The following SENP6 variants were observed in gnomAD, a reference collection of about 807,000 sequenced individuals.
SENP6 encodes sentrin-specific protease 6.
Under a neutral mutation model 134.5 loss-of-function variants are expected in SENP6, and 41 were observed. The ratio of observed to expected loss-of-function variants is 0.30; its 90% CI spans 0.24 to 0.40. SENP6 has a LOEUF of 0.40. Among genes scored for constraint, SENP6 ranks in the 10% least tolerant of loss-of-function variants. The pLI, the probability that SENP6 is intolerant of heterozygous loss-of-function variation, is 1.00. For synonymous variants in SENP6, 395 were observed against 429.8 expected, an observed-to-expected ratio of 0.92 and a Z score of 1.00; for missense variants, 1,248 against 1,312.5, an observed-to-expected ratio of 0.95 and a Z score of 0.76.
chr6:75,652,136 C>T (rs888464010), intron 7 of SENP6, among the ~76,000 whole-genome samples: 2 of 151,978 alleles, frequency 1.3e-5, no homozygotes, highest in Non-Finnish European at 2.9e-5. Flanking sequence ...ACAATCGCGC[C>T]ACTGTCCTCC....
chr6:75,708,029 T>G lies in SENP6; in HGVS notation c.2717-1498T>G, dbSNP rs72654747. Among the ~76,000 whole-genome samples, 1,602 of 152,268 alleles carry G rather than the reference T, an allele frequency of 0.011. 59 individuals are homozygous for G. In the East Asian group the frequency reaches 0.14, roughly 13 times the overall value. On this transcript the variant is annotated intron_variant, in intron 19 of 23. Coordinates refer to ENST00000447266, the MANE Select transcript of SENP6 (RefSeq NM_015571.4). ...TTATCGGTTATTTTAAATAGTGTGC[T>G]TCTGAACACAAGAGTTAGATTTATG...
At chr6:75,646,258 T>A (rs778465124) in intron 6 of SENP6, among the ~76,000 whole-genome samples, 1 of 152,212 alleles carries the variant, frequency 6.6e-6, no homozygotes, top group Non-Finnish European at 1.5e-5. Context: ...ATTCTCATTT[T>A]CATAATGCAT....
At chr6:75,634,618 G>A (rs759485188) in intron 4 of SENP6, 89 bp from the exon 5 acceptor site, 2 of 654,516 alleles carry the variant, frequency 3.1e-6, no homozygotes, top group South Asian at 2.5e-5. Context: ...AGGTTTTTGT[G>A]TGTTTGTTCA....
intron 8 of SENP6, among the ~76,000 whole-genome samples, 168 bp downstream of exon 8, chr6:75,659,575 C>T (rs960793744): frequency 4.6e-5 from 7 of 152,136 alleles, no homozygotes; most frequent in Non-Finnish European, 5.9e-5. Flanking sequence ...TATGCTTGTT[C>T]AAAATATAGA....
chr6:75,688,763 A>C (rs1229661598), intron 16 of SENP6, among the ~76,000 whole-genome samples: 1 of 152,192 alleles, frequency 6.6e-6, no homozygotes, highest in African/African-American at 2.4e-5. Context: ...TCTACAAAAA[A>C]GAAAATTTTA....
chr6:75,605,231 C>T (rs1406289723), intron 1 of SENP6, among the ~76,000 whole-genome samples: 1 of 152,182 alleles, frequency 6.6e-6, no homozygotes, highest in African/African-American at 2.4e-5. Flanking sequence ...CCTTGAAAAA[C>T]TAAACTAGGT....
intron 16 of SENP6, among the ~76,000 whole-genome samples, chr6:75,691,699 A>G (rs1377235715): frequency 6.6e-6 from 1 of 151,812 alleles, no homozygotes; most frequent in Non-Finnish European, 1.5e-5. Flanking sequence ...TCCCTGAGGC[A>G]TTCTCCTGCC....
chr6:75,673,350 C>G (rs535076937), intron 11 of SENP6, among the ~76,000 whole-genome samples: 1 of 115,112 alleles, frequency 8.7e-6, no homozygotes, highest in South Asian at 2.8e-4. Context: ...GAGACCGAGT[C>G]TCACTGTTGT....
At chr6:75,690,670 A>G (rs1426990215) in intron 16 of SENP6, among the ~76,000 whole-genome samples, 1 of 150,902 alleles carries the variant, frequency 6.6e-6, no homozygotes, top group East Asian at 1.9e-4. Context: ...GATAAATTTT[A>G]TATGTTTGTT....
intron 1 of SENP6, among the ~76,000 whole-genome samples, chr6:75,613,313 C>A (rs189973841): frequency 3.0e-4 from 45 of 152,110 alleles, no homozygotes; most frequent in Admixed American, 1.4e-3. Context: ...TATTGCAACA[C>A]AGCAATACCT....
rs779351067 is a variant in SENP6 at position 75,663,468 on chromosome 6, T to A, written c.944T>A (p.Ile315Asn). The change falls in exon 9 of 24, where the codon ATC becomes AAC. Residue 315 changes from isoleucine (I) to asparagine (N), a missense_variant. By Grantham distance (149) the Ile-to-Asn change is moderately radical. This residue lies in a region of SENP6 where 733 missense variants were observed against 725.4 expected (regional missense o/e 1.01). Transcript: ENST00000447266. ...VILPGAKIPK[I>N]TNLKERKTSL... ...TTACCTGGGGCAAAAATACCCAAAA[T>A]CACAAACTTGAAAGAAAGGAAAACA... 1.2e-5 allele frequency: 20 copies of A among 1,612,762 alleles called. No homozygotes were observed. The highest frequency in any genetic ancestry group is 1.6e-5 in the Non-Finnish European group (19 of 1,179,702).
At chr6:75,645,745 T>C (rs1770385184) in intron 6 of SENP6, among the ~76,000 whole-genome samples, 1 of 152,044 alleles carries the variant, frequency 6.6e-6, no homozygotes, top group Non-Finnish European at 1.5e-5. Flanking sequence ...CTTGAAATGT[T>C]TATATTCTTG....
chr6:75,663,798 C>T (rs1297481241), intron 9 of SENP6, among the ~76,000 whole-genome samples: 1 of 122,548 alleles, frequency 8.2e-6, no homozygotes, highest in Non-Finnish European at 1.7e-5. Context: ...AGATTTCCTG[C>T]TGATAGTGGG....
intron 19 of SENP6, among the ~76,000 whole-genome samples, chr6:75,708,545 T>G (rs1775556437): frequency 6.6e-6 from 1 of 152,100 alleles, no homozygotes; most frequent in South Asian, 2.1e-4. Flanking sequence ...GAGTTCTGAT[T>G]GCATCACTGG....
intron 16 of SENP6, among the ~76,000 whole-genome samples, chr6:75,686,175 C>T (rs1274162554): frequency 6.0e-5 from 9 of 150,936 alleles, no homozygotes; most frequent in South Asian, 4.2e-4. Flanking sequence ...CTTTTGATCT[C>T]TGTTGGTTTA....
At position 75,640,649 on chromosome 6, in the gene SENP6, G is replaced by A. The variant is rs1180108089; in HGVS notation, c.459-35G>A. 2.7e-6 allele frequency: 4 copies of A among 1,472,280 alleles called. No homozygotes were observed. In the African/African-American group the frequency reaches 4.2e-5, roughly 16 times the overall value. 91.2% of individuals were successfully genotyped at this position (1,472,280 alleles called of 1,614,324 possible). On this transcript the variant is annotated intron_variant, in intron 5 of 23. Coordinates refer to ENST00000447266, the MANE Select transcript of SENP6 (RefSeq NM_015571.4). ...AGTGATATATCAACAATGAGGTCTT[G>A]CCTCTTATATTTTTTTTCTTTTTCA...
Position 75,713,616 on chromosome 6 carries a change from A to T in SENP6, c.2978+35A>T, listed in dbSNP as rs150268834. 6.3e-6 allele frequency: 10 copies of T among 1,598,728 alleles called. No homozygotes were observed. The African/African-American group carries it at 1.2e-4, about 19-fold the overall frequency. Reference sequence around the variant, plus strand: ...CACTTTATTTCGTATTCTGATGGGGATGAAGAACTATGTATATTTATATAT... The same window carrying T: ...CACTTTATTTCGTATTCTGATGGGGTTGAAGAACTATGTATATTTATATAT... On this transcript the variant is annotated intron_variant, in intron 22 of 23. Transcript: ENST00000447266.
chr6:75,603,256 G>A (rs1766775349), intron 1 of SENP6, among the ~76,000 whole-genome samples: 2 of 152,302 alleles, frequency 1.3e-5, no homozygotes, highest in East Asian at 3.9e-4. Flanking sequence ...GCTGTAAGTA[G>A]ACTAAGCCAG....
intron 3 of SENP6, among the ~76,000 whole-genome samples, chr6:75,627,033 G>A (rs1228489323): frequency 6.6e-6 from 1 of 151,896 alleles, no homozygotes; most frequent in Non-Finnish European, 1.5e-5. Flanking sequence ...GTGCGATATC[G>A]GCTCACTGCA....
Sources: gnomAD v4.1 joint callset for allele counts (sites outside exome capture counted in the v4.1 genomes callset) on GRCh38, gnomAD v4.1.1 for gene constraint, gnomAD v4.1.1 regional missense constraint, MANE v1.5 for transcripts, NCBI Gene and HGNC (gene_info 2026-07-23, HGNC 2026-07-21) for gene names.